Variants in CACNA2D1 observed in about 807,000 individuals in gnomAD.
CACNA2D1 encodes the protein calcium voltage-gated channel auxiliary subunit alpha2delta 1.
Under a neutral mutation model 171.5 loss-of-function variants are expected in CACNA2D1, and 53 were observed. The ratio of observed to expected loss-of-function variants is 0.31; its 90% CI spans 0.25 to 0.39. The LOEUF (loss-of-function observed/expected upper bound fraction) is 0.39, where lower values mean the gene tolerates loss of function less well. Ranked by LOEUF, CACNA2D1 falls within the 10% of genes least tolerant of loss-of-function variation. The probability of loss-of-function intolerance (pLI) is 1.00; values close to 1 mark genes in which losing one functional copy is unlikely to be tolerated. For synonymous variants in CACNA2D1, 442 were observed against 443.1 expected, an observed-to-expected ratio of 1.00 and a Z score of 0.03; for missense variants, 903 against 1,299.8, an observed-to-expected ratio of 0.69 and a Z score of 4.69.
intron 1 of CACNA2D1, among the ~76,000 whole-genome samples, chr7:82,381,755 T>C (rs1444795693): frequency 6.6e-6 from 1 of 152,202 alleles, no homozygotes; most frequent in Non-Finnish European, 1.5e-5. Flanking sequence ...ACATCAGATT[T>C]ATTCCCTTCT....
intron 11 of CACNA2D1, among the ~76,000 whole-genome samples, chr7:82,034,150 C>T (rs908079980): frequency 6.6e-6 from 1 of 152,082 alleles, no homozygotes; most frequent in Non-Finnish European, 1.5e-5. Flanking sequence ...GCATTTTATA[C>T]TTACACAACA....
chr7:82,382,907 T>C (rs1196412311), intron 1 of CACNA2D1, among the ~76,000 whole-genome samples: 1 of 152,230 alleles, frequency 6.6e-6, no homozygotes, highest in African/African-American at 2.4e-5. Context: ...GCATGAAATA[T>C]ATCATGGTAA....
chr7:81,959,313 G>T lies in CACNA2D1; in HGVS notation c.3121C>A (p.Arg1041=), dbSNP rs752471498. Residue 1041 remains arginine (R), a synonymous_variant, in exon 38 of 39, where the codon CGA becomes AGA. Coordinates refer to ENST00000356860, the MANE Select transcript of CACNA2D1 (RefSeq NM_000722.4). ...TCAAAGCAGACATCAGGCCCTTTTCGGTATCTGGGTTGCTTAACCATGTCA... is the reference window on the plus strand; with the variant it reads ...TCAAAGCAGACATCAGGCCCTTTTCTGTATCTGGGTTGCTTAACCATGTCA... ...PCDMVKQPRY[R]KGPDVCFDNN... is the part of the protein sequence containing the mutation. The T allele has an allele frequency of 4.3e-6, 7 of 1,611,304 alleles. No individual in the cohort carries two copies. The highest frequency in any genetic ancestry group is 5.9e-6 in the Non-Finnish European group (7 of 1,177,882).
intron 31 of CACNA2D1, among the ~76,000 whole-genome samples, chr7:81,966,828 A>AT (rs1794747389): frequency 6.6e-6 from 1 of 151,506 alleles, no homozygotes; most frequent in African/African-American, 2.4e-5. Flanking sequence ...CTGCATTGAT[A>AT]ACCAATAGGG....
intron 3 of CACNA2D1, among the ~76,000 whole-genome samples, chr7:82,244,030 C>T (rs1011500190): frequency 2.6e-5 from 4 of 152,150 alleles, no homozygotes; most frequent in Admixed American, 2.0e-4. Context: ...CTCTTTCAAA[C>T]TTCACCTTGA....
intron 3 of CACNA2D1, among the ~76,000 whole-genome samples, chr7:82,172,258 A>G (rs772842209): frequency 6.6e-6 from 1 of 152,068 alleles, no homozygotes; most frequent in Non-Finnish European, 1.5e-5. Context: ...AGCAAAGCCA[A>G]AAGACAAGCA....
At chr7:82,185,147 C>A (rs1797533219) in intron 3 of CACNA2D1, among the ~76,000 whole-genome samples, 1 of 152,070 alleles carries the variant, frequency 6.6e-6, no homozygotes, top group Non-Finnish European at 1.5e-5. Context: ...ATTCTACATA[C>A]AGTAGAGCAT....
intron 6 of CACNA2D1, among the ~76,000 whole-genome samples, chr7:82,106,934 T>C (rs1787829901): frequency 6.6e-6 from 1 of 152,200 alleles, no homozygotes; most frequent in Non-Finnish European, 1.5e-5. Context: ...TATGCTGACA[T>C]AGATTCTTAA....
At chr7:82,181,510 T>A (rs1797137242) in intron 3 of CACNA2D1, among the ~76,000 whole-genome samples, 1 of 152,336 alleles carries the variant, frequency 6.6e-6, no homozygotes, top group Admixed American at 6.5e-5. Context: ...GAGAAACTAC[T>A]GGAGTGGGCC....
rs186232753 is a variant in CACNA2D1, at chr7:82,305,186, A to C, written c.294+29949T>G. 6.8e-4 allele frequency among the ~76,000 whole-genome samples: 103 copies of C among 152,310 alleles called. 1 individual carries two copies. The highest frequency in any genetic ancestry group is 1.3e-3 in the Non-Finnish European group (89 of 68,022). ...TTATGAAATTCATTTGAATTAAGACACTGTATTTTGTAAGAGTCTCATGCA... is the reference window on the plus strand; with the variant it reads ...TTATGAAATTCATTTGAATTAAGACCCTGTATTTTGTAAGAGTCTCATGCA... On this transcript the variant is annotated intron_variant, in intron 3 of 38. Coordinates refer to ENST00000356860, the MANE Select transcript of CACNA2D1 (RefSeq NM_000722.4).
chr7:82,057,168 TAAAAG>T (rs1806009009), intron 10 of CACNA2D1, among the ~76,000 whole-genome samples: 1 of 152,150 alleles, frequency 6.6e-6, no homozygotes, highest in African/African-American at 2.4e-5. Context: ...TCACGAAACT[TAAAAG>T]CCAGTTAACC....
chr7:82,100,345 T>C (rs905152333), intron 6 of CACNA2D1, among the ~76,000 whole-genome samples: 1 of 152,174 alleles, frequency 6.6e-6, no homozygotes, highest in Non-Finnish European at 1.5e-5. Flanking sequence ...AAGTTTTTTA[T>C]TTTAAATCAA....
At chr7:82,429,415 T>C (rs1829482355) in intron 1 of CACNA2D1, among the ~76,000 whole-genome samples, 2 of 152,070 alleles carry the variant, frequency 1.3e-5, no homozygotes, top group Admixed American at 6.6e-5. Context: ...AAAAATCGAT[T>C]CTGAGTAGCC....
chr7:81,979,902 T>G (rs1312210439), intron 24 of CACNA2D1, among the ~76,000 whole-genome samples: 1 of 151,864 alleles, frequency 6.6e-6, no homozygotes, highest in Non-Finnish European at 1.5e-5. Context: ...GATTCACTAT[T>G]GGGTATTGAA....
At chr7:82,376,241 A>C (rs1426837359) in intron 1 of CACNA2D1, among the ~76,000 whole-genome samples, 1 of 152,162 alleles carries the variant, frequency 6.6e-6, no homozygotes, top group Non-Finnish European at 1.5e-5. Flanking sequence ...GCAGATGAAC[A>C]AATACCTATC....
At chr7:82,089,951 T>C (rs1001323383) in intron 6 of CACNA2D1, among the ~76,000 whole-genome samples, 9 of 152,222 alleles carry the variant, frequency 5.9e-5, no homozygotes, top group African/African-American at 2.2e-4. Flanking sequence ...AGAATCTTAC[T>C]GTTATTTATA....
At chr7:82,071,654 C>G (rs949898541) in intron 7 of CACNA2D1, among the ~76,000 whole-genome samples, 1 of 152,112 alleles carries the variant, frequency 6.6e-6, no homozygotes, top group African/African-American at 2.4e-5. Context: ...ATGGTATGCA[C>G]AGATACTTGA....
chr7:82,111,444 A>ATATT lies in CACNA2D1; in HGVS notation c.526+5599_526+5600insAATA, dbSNP rs1207440298. On this transcript the variant is annotated intron_variant, in intron 6 of 38. Coordinates refer to ENST00000356860, the MANE Select transcript of CACNA2D1 (RefSeq NM_000722.4). ...TATATGTGTGTATATATATATATAT[A>ATATT]TTTTTTTTTTTTTTTTTTTTTGAGA... Among the ~76,000 whole-genome samples, 167 of 69,920 alleles carry ATATT rather than the reference A, an allele frequency of 2.4e-3. 7 individuals are homozygous for ATATT. The highest frequency in any genetic ancestry group is 4.4e-3 in the South Asian group (9 of 2,044). The allele number at this position is 69,920 out of a possible 152,430, so 45.9% of individuals were successfully genotyped here.
intron 1 of CACNA2D1, among the ~76,000 whole-genome samples, chr7:82,369,033 A>G (rs1389948895): frequency 1.3e-5 from 2 of 152,138 alleles, no homozygotes; most frequent in Non-Finnish European, 2.9e-5. Context: ...TCTGCTGGGA[A>G]TGTCTCTTCC....
Sources: allele counts gnomAD v4.1 joint callset (sites outside exome capture counted in the v4.1 genomes callset), GRCh38; gene constraint gnomAD v4.1.1; transcripts MANE v1.5; gene names NCBI Gene and HGNC (gene_info 2026-07-23, HGNC 2026-07-21).